Variants in KLRG1 observed in about 807,000 individuals in gnomAD.
KLRG1 encodes the protein killer cell lectin-like receptor subfamily G member 1.
A neutral mutation model predicts 21.8 loss-of-function variants in KLRG1; 16 were observed. That is an observed-to-expected ratio of 0.73 (90% CI 0.50 to 1.11). The LOEUF (loss-of-function observed/expected upper bound fraction) is 1.11. Ranked by LOEUF, KLRG1 falls within the 50% of genes most tolerant of loss-of-function variation. KLRG1 has a pLI of 0.00. For synonymous variants in KLRG1, 69 were observed against 75.9 expected (o/e 0.91, Z 0.47); for missense variants, 173 against 218.3 (o/e 0.79, Z 1.31).
chr12:9,199,348 T>C, the KLRG1 span, among the ~76,000 whole-genome samples: 1 of 152,146 alleles, frequency 6.6e-6, no homozygotes, highest in African/African-American at 2.4e-5. Context: ...CCTTCCTCAA[T>C]GACAGGATTA....
At chr12:9,150,696 T>G in the KLRG1 span, 1 of 1,613,306 alleles carries the variant, frequency 6.2e-7, no homozygotes, top group East Asian at 2.2e-5. Flanking sequence ...AGTCTCCTAC[T>G]GGGATGTCTT....
At chr12:9,101,270 C>T in the KLRG1 span, 9 of 1,495,034 alleles carry the variant, frequency 6.0e-6, no homozygotes, top group Admixed American at 1.8e-4. Flanking sequence ...AGTCTCACTT[C>T]AATATACTTG....
At chr12:9,168,604 C>T in the KLRG1 span, 6 of 331,576 alleles carry the variant, frequency 1.8e-5, no homozygotes, top group East Asian at 9.7e-5. Flanking sequence ...TTTCCATTGT[C>T]AGCATTTTCC....
chr12:9,098,850 T>TAACC, the KLRG1 span: 1,233 of 1,409,080 alleles, frequency 8.8e-4, 1 homozygote, highest in Non-Finnish European at 1.1e-3. Context: ...GTACAATGTA[T>TAACC]AACCACTCTG....
At chr12:9,169,595 T>G in the KLRG1 span, 1 of 1,597,466 alleles carries the variant, frequency 6.3e-7, no homozygotes, top group Middle Eastern at 1.7e-4. Context: ...TATATACCTG[T>G]AGCAGTGGGG....
At chr12:8,967,201 G>T (rs1166519970) in intron 1 of KLRG1, among the ~76,000 whole-genome samples, 2 of 111,582 alleles carry the variant, frequency 1.8e-5, no homozygotes, top group African/African-American at 3.4e-5. Context: ...GGGGGGAGGG[G>T]GGAGGGATAG....
At chr12:9,119,926 G>A in the KLRG1 span, among the ~76,000 whole-genome samples, 1 of 152,190 alleles carries the variant, frequency 6.6e-6, no homozygotes, top group Admixed American at 6.5e-5. Context: ...GGACCAGTTA[G>A]TTGCCAGGAC....
chr12:9,196,935 C>T, the KLRG1 span: 1 of 1,144,006 alleles, frequency 8.7e-7, no homozygotes, highest in Non-Finnish European at 1.3e-6. Context: ...GTCCTGATGC[C>T]CTCTTTCTAG....
the KLRG1 span, chr12:9,153,231 A>C: frequency 6.2e-7 from 1 of 1,614,140 alleles, no homozygotes; most frequent in Non-Finnish European, 8.5e-7. Context: ...GTCTACTTGG[A>C]AATTTGTAGA....
the KLRG1 span, among the ~76,000 whole-genome samples, chr12:9,179,356 T>C: frequency 6.6e-6 from 1 of 152,108 alleles, no homozygotes; most frequent in Non-Finnish European, 1.5e-5. Context: ...TCCTTCTGTT[T>C]CCCCAGCTTT....
At chr12:9,135,359 A>G in the KLRG1 span, 1 of 316,898 alleles carries the variant, frequency 3.2e-6, no homozygotes, top group Non-Finnish European at 6.3e-6. Flanking sequence ...GCTTTTCCCA[A>G]GTGAACTCAC....
chr12:9,125,220 G>T, the KLRG1 span, among the ~76,000 whole-genome samples: 1 of 152,202 alleles, frequency 6.6e-6, no homozygotes, highest in African/African-American at 2.4e-5. Flanking sequence ...CCTACGGAGA[G>T]GAGCTACCCA....
At chr12:9,163,780 T>A in the KLRG1 span, 1 of 1,611,478 alleles carries the variant, frequency 6.2e-7, no homozygotes, top group Non-Finnish European at 8.5e-7. Flanking sequence ...CACTGAGAAG[T>A]TCACATTCCC....
intron 1 of KLRG1, among the ~76,000 whole-genome samples, chr12:8,962,247 T>A (rs1389896700): frequency 6.6e-6 from 1 of 152,046 alleles, no homozygotes; most frequent in Non-Finnish European, 1.5e-5. Context: ...AGAGGAAAAT[T>A]GAACATGGTG....
At chr12:9,093,515 G>A in the KLRG1 span, 58 of 1,613,622 alleles carry the variant, frequency 3.6e-5, 1 homozygote, top group South Asian at 4.0e-4. Flanking sequence ...ACTTTCGTAC[G>A]GTCTCCGTGT....
At chr12:9,003,981 A>G (rs937757338) in intron 3 of KLRG1, among the ~76,000 whole-genome samples, 3 of 150,506 alleles carry the variant, frequency 2.0e-5, no homozygotes, top group Admixed American at 6.7e-5. Context: ...GCGATAGTTT[A>G]CTGAGAATGA....
intron 1 of KLRG1, among the ~76,000 whole-genome samples, chr12:8,964,031 C>T (rs763631716): frequency 1.6e-3 from 238 of 152,180 alleles, no homozygotes; most frequent in Admixed American, 2.3e-3. Flanking sequence ...GTGTCTCTAT[C>T]TCCTTCAGTT....
intron 3 of KLRG1, among the ~76,000 whole-genome samples, chr12:8,997,385 T>G (rs979340618): frequency 6.6e-6 from 1 of 152,232 alleles, no homozygotes; most frequent in African/African-American, 2.4e-5. Context: ...CTGCTGCGTC[T>G]GTTGTTCTAG....
At chr12:9,175,345 A>G in the KLRG1 span, among the ~76,000 whole-genome samples, 4 of 152,332 alleles carry the variant, frequency 2.6e-5, no homozygotes, top group East Asian at 7.7e-4. Context: ...GTGAAACCCA[A>G]AACTATAAAG....
Sources: gnomAD v4.1 joint callset for allele counts (sites outside exome capture counted in the v4.1 genomes callset) on GRCh38, gnomAD v4.1.1 for gene constraint, MANE v1.5 for transcripts, NCBI Gene and HGNC (gene_info 2026-07-23, HGNC 2026-07-21) for gene names.